The following PKN3 variants were observed in gnomAD, a reference collection of about 807,000 sequenced individuals.
PKN3 encodes the protein serine/threonine-protein kinase N3.
A neutral mutation model predicts 113.1 loss-of-function variants in PKN3; 91 were observed. The ratio of observed to expected loss-of-function variants is 0.80; its 90% CI spans 0.68 to 0.96. PKN3 has a LOEUF of 0.96. PKN3 is among the 40% of genes least tolerant of loss of function. The pLI, the probability that PKN3 is intolerant of heterozygous loss-of-function variation, is 0.00. For missense variants in PKN3, 1,052 were observed against 1,202.2 expected (o/e 0.88, Z 1.85); for synonymous variants, 467 against 499.0 (o/e 0.94, Z 0.85).
intron 16 of PKN3, 126 bp from the exon 17 acceptor site, chr9:128,718,199 T>A (rs1862401464): frequency 1.3e-6 from 1 of 753,854 alleles, no homozygotes; most frequent in Non-Finnish European, 2.4e-6. Context: ...CTTGTCCCAG[T>A]CTCACTCATC....
rs1862254324 is a variant in PKN3 at position 128,713,785 on chromosome 9, C to T, written c.1236+143C>T. The T allele has an allele frequency of 3.2e-6, 3 of 925,926 alleles. No homozygotes were observed. In the East Asian group the frequency reaches 7.9e-5, roughly 24 times the overall value. 57.4% of individuals were successfully genotyped at this position (925,926 alleles called of 1,614,324 possible). On this transcript the variant is annotated intron_variant, in intron 9 of 21. Coordinates refer to ENST00000291906, the MANE Select transcript of PKN3 (RefSeq NM_013355.5). ...CCAGGAATAAGGGCTCCTAGCCGCT[C>T]TCTCAGGGCTGCATCTGGAGGCCTG...
Position 128,715,807 on chromosome 9 carries a change from A to G in PKN3, c.1808+347A>G, listed in dbSNP as rs577128238. Among the ~76,000 whole-genome samples, 5 of 152,226 alleles carry G rather than the reference A, an allele frequency of 3.3e-5. No individual in the cohort carries two copies. The South Asian group carries it at 1.0e-3, about 32-fold the overall frequency. On this transcript the variant is annotated intron_variant, in intron 15 of 21. Transcript: ENST00000291906. The surrounding 1 kb of genome is among the most constrained non-coding windows in gnomAD (Gnocchi z 4.1). ...GGCAGGCGGATCACTTGAGTCCAGGAGTTCAAGACCAATCTGAATCACATG... is the reference window on the plus strand; with the variant it reads ...GGCAGGCGGATCACTTGAGTCCAGGGGTTCAAGACCAATCTGAATCACATG...
At position 128,720,894 on chromosome 9, in the gene PKN3, T is replaced by TTTA. The variant is rs1478712074; in HGVS notation, c.*290_*292dup. 1 of 569,192 alleles carries TTTA rather than the reference T, an allele frequency of 1.8e-6. No individual in the cohort carries two copies. The highest frequency in any genetic ancestry group is 1.9e-5 in the African/African-American group (1 of 53,074). 35.3% of individuals were successfully genotyped at this position (569,192 alleles called of 1,614,324 possible). On this transcript the variant is annotated 3_prime_UTR_variant, in exon 22 of 22. Transcript: ENST00000291906. This position sits in a 1 kb window ranked among gnomAD's most constrained non-coding sequence, Gnocchi z 5.5. Reference sequence around the variant, plus strand: ...TTTGTCTTTTTAAGACTGGACTTGCTTTATATTAAATTTGTAAAAGTGTGC... The same window carrying TTTA: ...TTTGTCTTTTTAAGACTGGACTTGCTTTATTATATTAAATTTGTAAAAGTGTGC...
At chr9:128,717,889 G>A (rs1459100598) in intron 16 of PKN3, among the ~76,000 whole-genome samples, 1 of 141,388 alleles carries the variant, frequency 7.1e-6, no homozygotes, top group African/African-American at 2.6e-5. Context: ...AAAAAAATTA[G>A]CTGGGCGTGG....
rs373887264 is a variant in PKN3 at position 128,705,857 on chromosome 9, C to T, written c.389C>T (p.Thr130Met). ...CAGGGGGCTGAGAACATGACCCACA[C>T]GTGCGCCAGTGGCACCCCCAAGGTA... Reference protein sequence around the residue: ...VKQGAENMTHTCASGTPKERK... With the variant: ...VKQGAENMTHMCASGTPKERK... The change falls in exon 3 of 22, where the codon ACG (threonine) becomes ATG (methionine). Residue 130 changes from threonine to methionine, a missense_variant. Transcript: ENST00000291906. 4.4e-6 allele frequency: 7 copies of T among 1,600,152 alleles called. No individual in the cohort carries two copies. The highest frequency in any genetic ancestry group is 1.1e-5 in the South Asian group (1 of 89,530).
At chr9:128,703,324 TG>T in intron 1 of PKN3, 11 of 962,108 alleles carry the variant, frequency 1.1e-5, no homozygotes, top group Non-Finnish European at 1.4e-5. Flanking sequence ...CACAGGGGCC[TG>T]GGGGGGTTAG....
At position 128,710,485 on chromosome 9, in the gene PKN3, G is replaced by C. The variant is rs577409760; in HGVS notation, c.836-2567G>C. Among the ~76,000 whole-genome samples the C allele has an allele frequency of 1.5e-3, 228 of 151,950 alleles. 1 individual carries two copies. Among genetic ancestry groups the C allele is most frequent in the African/African-American group, 5.3e-3 (219 of 41,504 alleles). ...TCTCACCTGGCCTTGGGGAATCGAG[G>C]AATATTTTCTTTTCTTTTTTTTTTG... On this transcript the variant is annotated intron_variant, in intron 6 of 21. Transcript: ENST00000291906.
In PKN3 at chr9:128,703,727, G is replaced by A. The variant is rs1233530701; in HGVS notation, c.24+788G>A. ...GCAGACGGGACCATGGGGGTGTTGC[G>A]GGGTGCGTGTAGACTCCTTGAGCGC... On this transcript the variant is annotated intron_variant, in intron 1 of 21. Transcript: ENST00000291906. 5.1e-6 allele frequency: 5 copies of A among 982,954 alleles called. No homozygotes were observed. The African/African-American group carries it at 5.3e-5, about 10-fold the overall frequency. 60.9% of individuals were successfully genotyped at this position (982,954 alleles called of 1,614,324 possible). A position where few individuals can be genotyped will look rare whatever the true frequency, so the allele number is the denominator to read the frequency against.
In PKN3 at chr9:128,715,270, T is replaced by C. The variant is rs1862306189; in HGVS notation, c.1716+35T>C. 2 of 1,611,178 alleles carry C rather than the reference T, an allele frequency of 1.2e-6. No homozygotes were observed. The highest frequency in any genetic ancestry group is 1.3e-5 in the African/African-American group (1 of 74,788). On this transcript the variant is annotated intron_variant, in intron 14 of 21. Coordinates refer to ENST00000291906, the MANE Select transcript of PKN3 (RefSeq NM_013355.5). The surrounding 1 kb of genome is among the most constrained non-coding windows in gnomAD (Gnocchi z 4.1). ...TGAAGAGGGTGGTATGGGACGGGAT[T>C]GGGGGCCTCATCACATGAGCCGGGA... is the stretch of plus-strand genomic sequence containing the variant.
intron 1 of PKN3, 28 bp downstream of exon 1, chr9:128,702,967 C>A (rs1386312855): frequency 1.4e-6 from 2 of 1,383,228 alleles, no homozygotes; most frequent in African/African-American, 3.1e-5. Context: ...GGCGCGCGGG[C>A]CCGGGGGGTG....
intron 16 of PKN3, among the ~76,000 whole-genome samples, chr9:128,717,227 C>G (rs1337750161): frequency 6.8e-6 from 1 of 146,278 alleles, no homozygotes; most frequent in Admixed American, 7.0e-5. Context: ...CTCCCTGGTT[C>G]AAGCCATTCT....
rs377311012 is a variant in PKN3, at chr9:128,714,300, C to T, written c.1416C>T (p.Ser472=). Residue 472 remains serine (S), a synonymous_variant, in exon 11 of 22, where the codon AGC becomes AGT. Coordinates refer to ENST00000291906, the MANE Select transcript of PKN3 (RefSeq NM_013355.5). ...CCTGCAGCTCCCCGAGCACAATCAG[C>T]CCCCCTAAAGGATGCCCTCGGACCC... ...LPPCSSPSTI[S]PPKGCPRTPT... is the part of the protein sequence containing the mutation. The T allele has an allele frequency of 1.9e-6, 3 of 1,613,266 alleles. No homozygotes were observed. Among genetic ancestry groups the T allele is most frequent in the Non-Finnish European group, 2.5e-6 (3 of 1,179,608 alleles).
chr9:128,719,171 C>G (rs1220491865), intron 18 of PKN3, among the ~76,000 whole-genome samples: 1 of 151,350 alleles, frequency 6.6e-6, no homozygotes, highest in Non-Finnish European at 1.5e-5. Context: ...GCTGGGATTA[C>G]AGGCGTGAGC....
In PKN3 at chr9:128,718,298, T is replaced by C. The variant is rs375205336; in HGVS notation, c.1986-27T>C. Reference sequence around the variant, plus strand: ...GCCTCCCTGGTGTGTGTCTTGGGCCTGAGTTCTCCCATAACCACCCCTGCA... The same window carrying C: ...GCCTCCCTGGTGTGTGTCTTGGGCCCGAGTTCTCCCATAACCACCCCTGCA... On this transcript the variant is annotated intron_variant, in intron 16 of 21. Coordinates refer to ENST00000291906, the MANE Select transcript of PKN3 (RefSeq NM_013355.5). 5.6e-6 allele frequency: 9 copies of C among 1,606,708 alleles called. No individual in the cohort carries two copies. In the African/African-American group the frequency reaches 1.1e-4, roughly 19 times the overall value.
At chr9:128,714,470 C>T (rs1862279710) in intron 11 of PKN3, 92 bp from the exon 12 acceptor site, 4 of 1,144,442 alleles carry the variant, frequency 3.5e-6, no homozygotes, top group East Asian at 2.3e-5. Context: ...AGCCCGCTAA[C>T]CCTCTGTCCA....
rs781484766 is a variant in PKN3, at chr9:128,705,292, C to T, written c.25-11C>T. On this transcript the variant is annotated splice_polypyrimidine_tract_variant and intron_variant, in intron 1 of 21. Coordinates refer to ENST00000291906, the MANE Select transcript of PKN3 (RefSeq NM_013355.5). ...CTGTTCTCCACCCTCTGCTTTCCAC[C>T]GGCTCTGCAGCCTGGGCCGAGCCAG... 77 of 1,550,214 alleles carry T rather than the reference C, an allele frequency of 5.0e-5. No homozygotes were observed. The highest frequency in any genetic ancestry group is 2.4e-4 in the East Asian group (10 of 41,112).
chr9:128,720,004 A>G lies in PKN3; in HGVS notation c.2363A>G (p.Glu788Gly), dbSNP rs1406389931. The part of the protein sequence containing the change: ...YPGFLSVQGL[E>G]FIQKLLQKCP... ...GGCTTTCTGTCGGTGCAAGGGCTTG[A>G]GTTCATTCAGAAGGTAAGCACTGCG... The change falls in exon 20 of 22, where the codon GAG becomes GGG. Residue 788 changes from glutamate to glycine, a missense_variant. Around this residue, in one of 2 missense-constraint regions of PKN3, gnomAD observed 333 missense variants for 442.8 expected, o/e 0.75. Transcript: ENST00000291906. The surrounding 1 kb of genome is among the most constrained non-coding windows in gnomAD (Gnocchi z 5.5). The G allele has an allele frequency of 1.7e-5, 27 of 1,613,436 alleles. No individual in the cohort carries two copies. The highest frequency in any genetic ancestry group is 2.3e-5 in the Non-Finnish European group (27 of 1,179,568).
chr9:128,711,303 AC>A (rs1862168241), intron 6 of PKN3, among the ~76,000 whole-genome samples: 1 of 114,184 alleles, frequency 8.8e-6, no homozygotes, highest in Non-Finnish European at 1.8e-5. Context: ...ACCTCGCCCC[AC>A]CTCTTTTTTT....
At chr9:128,709,936 C>A (rs1272951266) in intron 6 of PKN3, 1 of 148,292 alleles carries the variant, frequency 6.7e-6, no homozygotes. Flanking sequence ...GAGTGAGACT[C>A]CGAGCAGAGT....
Sources: gnomAD v4.1 joint callset for allele counts (sites outside exome capture counted in the v4.1 genomes callset) on GRCh38, gnomAD v4.1.1 for gene constraint, gnomAD v4.1.1 regional missense constraint, Gnocchi (gnomAD v3.1) non-coding constraint, MANE v1.5 for transcripts, NCBI Gene and HGNC (gene_info 2026-07-23, HGNC 2026-07-21) for gene names.